The following PCDH19 variants were observed in gnomAD, a reference collection of about 807,000 sequenced individuals.
PCDH19 encodes the protein protocadherin 19.
In PCDH19, 6 loss-of-function variants were observed where a neutral mutation model predicts 46.2. That is an observed-to-expected ratio of 0.13 (90% CI 0.07 to 0.26). The LOEUF is 0.26. Ranked by LOEUF, PCDH19 falls within the 10% of genes least tolerant of loss-of-function variation. The pLI is 1.00. For synonymous variants in PCDH19, 481 were observed against 415.7 expected (o/e 1.16, Z -1.91); for missense variants, 740 against 972.3 (o/e 0.76, Z 3.18).
chrX:100,305,368 G>C (rs1924913355), intron 5 of PCDH19, among the ~76,000 whole-genome samples: 1 of 111,521 alleles, frequency 9.0e-6, no homozygotes, highest in Non-Finnish European at 1.9e-5. Context: ...CCAGACAAAT[G>C]CTGACAGAAT....
At chrX:100,395,177 G>A (rs1460286443) in intron 3 of PCDH19, among the ~76,000 whole-genome samples, 4 of 111,890 alleles carry the variant, frequency 3.6e-5, no homozygotes, top group African/African-American at 9.8e-5. Flanking sequence ...GTGAGCCACC[G>A]CGCCCGGCCT....
intron 3 of PCDH19, among the ~76,000 whole-genome samples, chrX:100,365,556 C>A (rs1927044999): frequency 8.9e-6 from 1 of 111,975 alleles, no homozygotes; most frequent in African/African-American, 3.2e-5. Context: ...TTACTGCAAC[C>A]TGACAATGCT....
chrX:100,389,628 A>T (rs964984387), intron 3 of PCDH19, among the ~76,000 whole-genome samples: 1 of 111,722 alleles, frequency 9.0e-6, no homozygotes, highest in Non-Finnish European at 1.9e-5. Flanking sequence ...TGTATACATG[A>T]GTCAAAACAT....
intron 5 of PCDH19, among the ~76,000 whole-genome samples, chrX:100,298,071 A>G (rs1204255191): frequency 9.0e-6 from 1 of 110,769 alleles, no homozygotes; most frequent in Non-Finnish European, 1.9e-5. Context: ...AGATGTCTGC[A>G]ATTCAGAGTC....
Position 100,351,548 on chromosome X carries a change from T to A in PCDH19, c.2617-844A>T, listed in dbSNP as rs1225499523. 3.6e-5 allele frequency among the ~76,000 whole-genome samples: 4 copies of A among 112,161 alleles called. No individual in the cohort carries two copies. The Admixed American group carries it at 3.8e-4, about 11-fold the overall frequency. ...AAGTCGACACTAAAGTAACTGAATG[T>A]CCTAGTAAAGTGGATCTCGCCCCCA... On this transcript the variant is annotated intron_variant, in intron 3 of 5. Transcript: ENST00000373034.
intron 5 of PCDH19, among the ~76,000 whole-genome samples, chrX:100,328,858 T>G (rs1925783470): frequency 8.9e-6 from 1 of 112,495 alleles, no homozygotes; most frequent in South Asian, 3.7e-4. Context: ...TAAAGTGAAT[T>G]GTGTTTCTTT....
chrX:100,367,613 G>C (rs928116095), intron 3 of PCDH19, among the ~76,000 whole-genome samples: 2 of 111,436 alleles, frequency 1.8e-5, no homozygotes, highest in Non-Finnish European at 1.9e-5. Context: ...AAAAGGTGCT[G>C]GTTGGTTCCC....
At chrX:100,378,553 T>G (rs1927453884) in intron 3 of PCDH19, among the ~76,000 whole-genome samples, 1 of 112,346 alleles carries the variant, frequency 8.9e-6, no homozygotes, top group Admixed American at 9.4e-5. Context: ...AAACCTTGCC[T>G]GTTCTTCATG....
In PCDH19 at chrX:100,406,474, T is replaced by C; in HGVS notation, c.2124A>G (p.Lys708=). 8.3e-7 allele frequency: 1 copy of C among 1,206,613 alleles called. No individual in the cohort carries two copies. The highest frequency in any genetic ancestry group is 1.1e-6 in the Non-Finnish European group (1 of 892,462). ...FVAIKCKRDN[K]EIRTYNCSNC... ...ACCTGCAGTTGTAGGTCCGGATCTC[T>C]TTGTTGTCTCGCTTGCACTTGATTG... The change falls in exon 1 of 6, where the codon AAA becomes AAG. Residue 708 remains lysine (K), a synonymous_variant. Coordinates refer to ENST00000373034, the MANE Select transcript of PCDH19 (RefSeq NM_001184880.2).
At chrX:100,369,051 A>G (rs1927147740) in intron 3 of PCDH19, among the ~76,000 whole-genome samples, 1 of 111,809 alleles carries the variant, frequency 8.9e-6, no homozygotes, top group Non-Finnish European at 1.9e-5. Context: ...TATTTTCAGA[A>G]GTTAATATTT....
chrX:100,334,860 GTATA>G (rs34299870), intron 5 of PCDH19, among the ~76,000 whole-genome samples: 21 of 103,576 alleles, frequency 2.0e-4, no homozygotes, highest in South Asian at 4.5e-4. Context: ...ATATATGTCT[GTATA>G]TATATATATA....
intron 3 of PCDH19, among the ~76,000 whole-genome samples, chrX:100,401,753 CTT>C (rs759001299): frequency 9.6e-6 from 1 of 103,712 alleles, no homozygotes; most frequent in Non-Finnish European, 2.0e-5. Context: ...TATTCTTACT[CTT>C]TTTTTTTTTC....
At chrX:100,343,845 G>A (rs930198762) in intron 4 of PCDH19, among the ~76,000 whole-genome samples, 5 of 111,779 alleles carry the variant, frequency 4.5e-5, no homozygotes, top group South Asian at 3.8e-4. Context: ...AAATGACACC[G>A]CAAACTCACT....
chrX:100,374,974 T>C (rs1927329844), intron 3 of PCDH19, among the ~76,000 whole-genome samples: 1 of 110,812 alleles, frequency 9.0e-6, no homozygotes, highest in Non-Finnish European at 1.9e-5. Flanking sequence ...ATTTGAGCTA[T>C]GGAAGTACAT....
At chrX:100,334,753 A>G (rs1324405163) in intron 5 of PCDH19, among the ~76,000 whole-genome samples, 1 of 21,362 alleles carries the variant, frequency 4.7e-5, no homozygotes, top group Non-Finnish European at 1.1e-4. Context: ...ATATATAACC[A>G]ACGTGTGTGT....
intron 5 of PCDH19, among the ~76,000 whole-genome samples, chrX:100,319,175 T>C (rs924623015): frequency 9.0e-6 from 1 of 111,583 alleles, no homozygotes; most frequent in African/African-American, 3.3e-5. Context: ...CACAATGCTT[T>C]TGATTGATTA....
intron 3 of PCDH19, among the ~76,000 whole-genome samples, chrX:100,363,886 T>TGTGTGTGTGTGTGAGA (rs1207488480): frequency 0.01 from 998 of 97,971 alleles, 11 homozygotes; most frequent in Middle Eastern, 0.023. Context: ...TGTGTGTGTG[T>TGTGTGTGTGTGTGAGA]GAGAGAGAGG....
chrX:100,333,211 A>G (rs1335853743), intron 5 of PCDH19, among the ~76,000 whole-genome samples: 20 of 101,971 alleles, frequency 2.0e-4, no homozygotes, highest in African/African-American at 3.6e-4. Context: ...GAAAGAAAGA[A>G]AGAAAGAAAG....
chrX:100,388,620 T>C (rs1385275005), intron 3 of PCDH19, among the ~76,000 whole-genome samples: 1 of 111,450 alleles, frequency 9.0e-6, no homozygotes, highest in Admixed American at 9.6e-5. Context: ...AAATATTAGA[T>C]ATCTTAGGGC....
Sources: allele counts gnomAD v4.1 joint callset (sites outside exome capture counted in the v4.1 genomes callset), GRCh38; gene constraint gnomAD v4.1.1; transcripts MANE v1.5; gene names NCBI Gene and HGNC (gene_info 2026-07-23, HGNC 2026-07-21).